APBB2: variants seen among roughly 807,000 people sequenced by gnomAD.
APBB2 encodes Fe65-like 1.
Under a neutral mutation model 82.5 loss-of-function variants are expected in APBB2, and 38 were observed. That is an observed-to-expected ratio of 0.46 (90% CI 0.36 to 0.60). The LOEUF (loss-of-function observed/expected upper bound fraction) is 0.60. Among genes scored for constraint, APBB2 ranks in the 20% least tolerant of loss-of-function variants. APBB2 has a pLI of 0.00. For missense variants in APBB2, 772 were observed against 972.3 expected, an observed-to-expected ratio of 0.79 and a Z score of 2.74; for synonymous variants, 341 against 368.2, an observed-to-expected ratio of 0.93 and a Z score of 0.85.
At chr4:41,104,147 C>G (rs1370603232) in intron 2 of APBB2, among the ~76,000 whole-genome samples, 1 of 152,148 alleles carries the variant, frequency 6.6e-6, no homozygotes, top group Non-Finnish European at 1.5e-5. Context: ...AAGAGGGATG[C>G]ATTTGGGCAT....
intron 5 of APBB2, among the ~76,000 whole-genome samples, chr4:41,032,934 G>A (rs1054559260): frequency 9.3e-5 from 14 of 150,302 alleles, no homozygotes; most frequent in Non-Finnish European, 1.3e-4. Flanking sequence ...ACAGGCGCGC[G>A]CCACCATGCC....
chr4:41,022,342 C>A (rs1711952126), intron 5 of APBB2, among the ~76,000 whole-genome samples: 1 of 152,086 alleles, frequency 6.6e-6, no homozygotes, highest in Non-Finnish European at 1.5e-5. Flanking sequence ...ATTTGGAGAA[C>A]CACTGGAAGA....
intron 4 of APBB2, among the ~76,000 whole-genome samples, chr4:41,063,397 T>C (rs953362317): frequency 6.6e-6 from 1 of 152,252 alleles, no homozygotes; most frequent in Non-Finnish European, 1.5e-5. Flanking sequence ...ATCCCTGTTA[T>C]ACAGGGTACA....
At chr4:41,023,074 T>C (rs1712367440) in intron 5 of APBB2, among the ~76,000 whole-genome samples, 2 of 152,034 alleles carry the variant, frequency 1.3e-5, no homozygotes, top group African/African-American at 4.8e-5. Flanking sequence ...TACTCAACTC[T>C]ACCGTGGCTC....
chr4:40,871,427 G>T (rs1357156825), intron 12 of APBB2, among the ~76,000 whole-genome samples: 3 of 152,226 alleles, frequency 2.0e-5, no homozygotes, highest in Non-Finnish European at 2.9e-5. Flanking sequence ...TTACAGGCAT[G>T]AGCCACCGCA....
chr4:40,981,713 C>A (rs1193733535), intron 6 of APBB2, among the ~76,000 whole-genome samples: 2 of 152,144 alleles, frequency 1.3e-5, no homozygotes, highest in Non-Finnish European at 1.5e-5. Flanking sequence ...CCAATTGGAG[C>A]CCCTGTAATT....
chr4:41,072,971 A>G (rs1734377380), intron 3 of APBB2, among the ~76,000 whole-genome samples: 1 of 151,814 alleles, frequency 6.6e-6, no homozygotes, highest in Non-Finnish European at 1.5e-5. Flanking sequence ...ACAAAAGGAA[A>G]GGCTCAGAAG....
chr4:41,063,799 C>T (rs28507661), intron 4 of APBB2, among the ~76,000 whole-genome samples: 25,294 of 151,986 alleles, frequency 0.17, 2,283 homozygotes, highest in Non-Finnish European at 0.21. Context: ...CCACCTCAGC[C>T]TCCCGAGTAG....
At chr4:40,999,732 T>C (rs1804611944) in intron 6 of APBB2, among the ~76,000 whole-genome samples, 2 of 152,196 alleles carry the variant, frequency 1.3e-5, no homozygotes, top group Non-Finnish European at 2.9e-5. Flanking sequence ...GGCATACTCC[T>C]GCATAGTTTG....
chr4:40,910,427 C>T (rs1012425819), intron 10 of APBB2, among the ~76,000 whole-genome samples: 14 of 151,926 alleles, frequency 9.2e-5, no homozygotes, highest in Non-Finnish European at 1.3e-4. Flanking sequence ...TTTGTAGAGA[C>T]GGGGTCTCAC....
At chr4:41,124,662 C>T (rs1287967581) in intron 2 of APBB2, among the ~76,000 whole-genome samples, 3 of 152,198 alleles carry the variant, frequency 2.0e-5, no homozygotes, top group Non-Finnish European at 4.4e-5. Flanking sequence ...TGATAAAATA[C>T]ATTCTACCCC....
At chr4:40,862,022 A>G (rs1003694699) in intron 12 of APBB2, among the ~76,000 whole-genome samples, 6 of 152,254 alleles carry the variant, frequency 3.9e-5, no homozygotes, top group African/African-American at 1.4e-4. Flanking sequence ...TCTTTCTTTC[A>G]TAGAAACCTA....
chr4:41,131,264 G>A lies in APBB2; in HGVS notation c.-261+11723C>T, dbSNP rs552196982. 5.9e-5 allele frequency among the ~76,000 whole-genome samples: 9 copies of A among 152,166 alleles called. No homozygotes were observed. The East Asian group carries it at 1.4e-3, about 23-fold the overall frequency. Reference sequence around the variant, plus strand: ...AGTTCACTGGTTTACTTTCTGTTGGGTCCCTGTCTTGTCGGCATTTGAGTT... The same window carrying A: ...AGTTCACTGGTTTACTTTCTGTTGGATCCCTGTCTTGTCGGCATTTGAGTT... On this transcript the variant is annotated intron_variant, in intron 2 of 17. Transcript: ENST00000508593.
At chr4:41,186,119 T>C (rs1231799226) in intron 1 of APBB2, among the ~76,000 whole-genome samples, 1 of 152,236 alleles carries the variant, frequency 6.6e-6, no homozygotes, top group Non-Finnish European at 1.5e-5. Context: ...AGAGTCTTCC[T>C]AGTCAGACCT....
chr4:40,954,819 A>G (rs1203817790), intron 6 of APBB2, among the ~76,000 whole-genome samples: 24 of 151,920 alleles, frequency 1.6e-4, no homozygotes, highest in Non-Finnish European at 3.1e-4. Flanking sequence ...ACACACCATC[A>G]CACCCGGGTA....
intron 6 of APBB2, among the ~76,000 whole-genome samples, chr4:40,984,835 G>A (rs1010666502): frequency 2.6e-5 from 4 of 152,030 alleles, no homozygotes; most frequent in African/African-American, 7.2e-5. Context: ...TTAAAAATAC[G>A]TGGTACTAGA....
chr4:41,119,149 ATTTT>A (rs11384154), intron 2 of APBB2, among the ~76,000 whole-genome samples: 1 of 146,596 alleles, frequency 6.8e-6, no homozygotes, highest in Non-Finnish European at 1.5e-5. Context: ...AAAATAATTG[ATTTT>A]TTTTTTTTAA....
At chr4:41,148,122 G>T (rs1195749451) in intron 1 of APBB2, among the ~76,000 whole-genome samples, 1 of 152,068 alleles carries the variant, frequency 6.6e-6, no homozygotes, top group East Asian at 1.9e-4. Flanking sequence ...AACCAAAAAA[G>T]AACTACTATG....
chr4:41,083,686 C>CACAAA (rs1491101313), intron 3 of APBB2, among the ~76,000 whole-genome samples: 19 of 68,072 alleles, frequency 2.8e-4, no homozygotes, highest in Non-Finnish European at 4.9e-4. Flanking sequence ...GACTCTGTCT[C>CACAAA]AAAAAAAAAA....
Sources: gnomAD v4.1 joint callset for allele counts (sites outside exome capture counted in the v4.1 genomes callset) on GRCh38, gnomAD v4.1.1 for gene constraint, MANE v1.5 for transcripts, NCBI Gene and HGNC (gene_info 2026-07-23, HGNC 2026-07-21) for gene names.